The following PDE1C variants were observed in gnomAD, a reference collection of about 807,000 sequenced individuals.
PDE1C encodes phosphodiesterase 1C.
Under a neutral mutation model 93.1 loss-of-function variants are expected in PDE1C, and 62 were observed. The ratio of observed to expected loss-of-function variants is 0.67; its 90% CI spans 0.54 to 0.82. The LOEUF (loss-of-function observed/expected upper bound fraction) is 0.82, where lower values mean the gene tolerates loss of function less well. Among genes scored for constraint, PDE1C ranks in the 40% least tolerant of loss-of-function variants. The pLI, the probability that PDE1C is intolerant of heterozygous loss-of-function variation, is 0.00. For synonymous variants in PDE1C, 325 were observed against 310.1 expected (o/e 1.05, Z -0.50); for missense variants, 742 against 884.6 (o/e 0.84, Z 2.04).
intron 1 of PDE1C, among the ~76,000 whole-genome samples, chr7:32,272,066 G>A (rs1424437950): frequency 6.6e-6 from 1 of 152,252 alleles, no homozygotes; most frequent in African/African-American, 2.4e-5. Flanking sequence ...AAATGAAGAA[G>A]CTCATTAACT....
At chr7:32,284,271 T>A (rs1033049710) in intron 1 of PDE1C, among the ~76,000 whole-genome samples, 2 of 152,188 alleles carry the variant, frequency 1.3e-5, no homozygotes, top group Admixed American at 6.5e-5. Context: ...GTGCTCTGCA[T>A]AGAATAGGGG....
chr7:31,621,101 A>G, the PDE1C span, among the ~76,000 whole-genome samples: 1 of 152,054 alleles, frequency 6.6e-6, no homozygotes, highest in African/African-American at 2.4e-5. Flanking sequence ...GAAATATGGG[A>G]CTATGTGAAA....
the PDE1C span, among the ~76,000 whole-genome samples, chr7:31,617,427 C>T: frequency 7.9e-5 from 12 of 152,164 alleles, no homozygotes; most frequent in East Asian, 2.1e-3. Flanking sequence ...GAAATAATAA[C>T]CAAATCTCCC....
At chr7:32,106,919 A>C (rs982826110) in intron 3 of PDE1C, among the ~76,000 whole-genome samples, 3 of 152,008 alleles carry the variant, frequency 2.0e-5, no homozygotes, top group African/African-American at 7.2e-5. Flanking sequence ...TAATGGCTCT[A>C]ATGGAAAAAG....
chr7:32,004,758 T>A (rs1286979797), intron 2 of PDE1C, among the ~76,000 whole-genome samples: 1 of 152,236 alleles, frequency 6.6e-6, no homozygotes, highest in Admixed American at 6.5e-5. Flanking sequence ...AAATTGTGCT[T>A]TTATTTCTTA....
At chr7:31,740,545 G>T in the PDE1C span, among the ~76,000 whole-genome samples, 4 of 152,174 alleles carry the variant, frequency 2.6e-5, no homozygotes, top group Admixed American at 1.3e-4. Flanking sequence ...TATTTAAGCT[G>T]TCAGAATGCT....
chr7:31,713,065 G>T, the PDE1C span, among the ~76,000 whole-genome samples: 3 of 152,090 alleles, frequency 2.0e-5, no homozygotes, highest in African/African-American at 7.2e-5. Flanking sequence ...GTCCCCCAAA[G>T]TCTTAGCTCA....
the PDE1C span, among the ~76,000 whole-genome samples, chr7:31,618,106 C>T: frequency 3.3e-5 from 5 of 152,154 alleles, no homozygotes; most frequent in Admixed American, 2.6e-4. Flanking sequence ...AACCTTAAAG[C>T]CCTCTTGGTG....
chr7:32,036,455 GAAGA>G (rs770790028), intron 2 of PDE1C, among the ~76,000 whole-genome samples: 6 of 152,178 alleles, frequency 3.9e-5, no homozygotes, highest in African/African-American at 1.2e-4. Context: ...AAAGTAAGTA[GAAGA>G]AAGGAAATAA....
rs146928068 is a variant in PDE1C at position 32,393,212 on chromosome 7, A to G, written c.310+34610T>C. Among the ~76,000 whole-genome samples, 498 of 152,038 alleles carry G rather than the reference A, an allele frequency of 3.3e-3. 5 individuals are homozygous for G. Among genetic ancestry groups the G allele is most frequent in the African/African-American group, 0.011 (468 of 41,500 alleles). On this transcript the variant is annotated intron_variant, in intron 1 of 1. Coordinates refer to the PDE1C transcript ENST00000672256. Reference sequence around the variant, plus strand: ...AATCAGGAACAAGGCAAGGATATCCACTCTCATCACTTCCATTCAATGTTG... The same window carrying G: ...AATCAGGAACAAGGCAAGGATATCCGCTCTCATCACTTCCATTCAATGTTG...
At chr7:31,655,324 A>G in the PDE1C span, among the ~76,000 whole-genome samples, 6 of 152,048 alleles carry the variant, frequency 3.9e-5, no homozygotes, top group African/African-American at 1.4e-4. Flanking sequence ...GACCACACCA[A>G]TGCTGAGTCT....
chr7:32,206,711 ATTC>A (rs1805577900), intron 2 of PDE1C, among the ~76,000 whole-genome samples: 1 of 152,202 alleles, frequency 6.6e-6, no homozygotes, highest in African/African-American at 2.4e-5. Context: ...CACATGAGGT[ATTC>A]TTCTAGCTCA....
At chr7:32,289,662 A>G (rs941038040) in intron 1 of PDE1C, among the ~76,000 whole-genome samples, 2 of 152,224 alleles carry the variant, frequency 1.3e-5, no homozygotes, top group African/African-American at 4.8e-5. Flanking sequence ...TTGAACTGCA[A>G]TGAAACCCTT....
intron 1 of PDE1C, among the ~76,000 whole-genome samples, chr7:32,404,365 G>C (rs185860450): frequency 1.3e-5 from 2 of 152,114 alleles, no homozygotes. Flanking sequence ...TCTTTGTTTT[G>C]GTTTTGGTTT....
intron 1 of PDE1C, among the ~76,000 whole-genome samples, chr7:32,250,112 T>C (rs1417451083): frequency 6.6e-6 from 1 of 152,220 alleles, no homozygotes; most frequent in Non-Finnish European, 1.5e-5. Context: ...CTAGGTCAGC[T>C]GGCCTGTCAG....
chr7:31,886,239 C>G (rs1437867681), intron 2 of PDE1C, among the ~76,000 whole-genome samples: 1 of 152,196 alleles, frequency 6.6e-6, no homozygotes, highest in African/African-American at 2.4e-5. Context: ...ATACACCTGC[C>G]TCCTCCATGT....
At chr7:32,011,988 T>C (rs1787189258) in intron 2 of PDE1C, among the ~76,000 whole-genome samples, 1 of 152,212 alleles carries the variant, frequency 6.6e-6, no homozygotes, top group African/African-American at 2.4e-5. Context: ...TGAACTAGTA[T>C]TCCACAATAT....
intron 1 of PDE1C, among the ~76,000 whole-genome samples, chr7:32,055,240 G>A (rs1793913461): frequency 6.6e-6 from 1 of 152,110 alleles, no homozygotes; most frequent in African/African-American, 2.4e-5. Context: ...TGAGCAGTGA[G>A]GACATCCACC....
At chr7:31,884,866 C>A (rs1797687541) in intron 2 of PDE1C, among the ~76,000 whole-genome samples, 2 of 152,200 alleles carry the variant, frequency 1.3e-5, no homozygotes, top group African/African-American at 4.8e-5. Context: ...TTCCTTAGAT[C>A]TTAATCTATC....
Sources: allele counts gnomAD v4.1 joint callset (sites outside exome capture counted in the v4.1 genomes callset), GRCh38; gene constraint gnomAD v4.1.1; transcripts MANE v1.5; gene names NCBI Gene and HGNC (gene_info 2026-07-23, HGNC 2026-07-21).